NR2C2: variants seen among roughly 807,000 people sequenced by gnomAD.
NR2C2 encodes the protein Nuclear hormone receptor TR4.
Under a neutral mutation model 62.9 loss-of-function variants are expected in NR2C2, and 6 were observed. The observed-to-expected ratio is 0.10, with a 90% CI of 0.05 to 0.19. The LOEUF (loss-of-function observed/expected upper bound fraction) is 0.19. NR2C2 is among the 10% of genes least tolerant of loss of function. The pLI, the probability that NR2C2 is intolerant of heterozygous loss-of-function variation, is 1.00. For missense variants in NR2C2, 479 were observed against 762.7 expected, an observed-to-expected ratio of 0.63 and a Z score of 4.38; for synonymous variants, 272 against 273.8, an observed-to-expected ratio of 0.99 and a Z score of 0.07.
At chr3:15,032,850 A>C (rs1269807143) in intron 10 of NR2C2, among the ~76,000 whole-genome samples, 1 of 152,242 alleles carries the variant, frequency 6.6e-6, no homozygotes, top group East Asian at 1.9e-4. Flanking sequence ...CTAGGCCTTA[A>C]TAAGGTGAAT....
intron 1 of NR2C2, among the ~76,000 whole-genome samples, chr3:14,952,669 T>C (rs2039400943): frequency 6.6e-6 from 1 of 152,238 alleles, no homozygotes; most frequent in African/African-American, 2.4e-5. Context: ...TTTGTGCTCC[T>C]GTTACACATT....
At chr3:14,991,510 G>A (rs904697667) in intron 1 of NR2C2, among the ~76,000 whole-genome samples, 16 of 152,000 alleles carry the variant, frequency 1.1e-4, no homozygotes, top group African/African-American at 2.4e-5. Flanking sequence ...CCTACTTAAG[G>A]GTTTTACATT....
intron 8 of NR2C2, 114 bp from the exon 9 acceptor site, chr3:15,030,161 C>T (rs973313645): frequency 2.9e-5 from 26 of 903,866 alleles, no homozygotes; most frequent in African/African-American, 3.4e-5. Flanking sequence ...CCCATCTCTA[C>T]GGTAGAATTT....
intron 5 of NR2C2, among the ~76,000 whole-genome samples, chr3:15,022,448 G>A (rs1327459222): frequency 1.5e-5 from 2 of 132,432 alleles, no homozygotes; most frequent in African/African-American, 5.7e-5. Flanking sequence ...TGTTGCCCAG[G>A]TTGGAGTGCA....
At position 15,038,148 on chromosome 3, in the gene NR2C2, C is replaced by T. The variant is rs780896387; in HGVS notation, c.1510+11C>T. ...TTCTCTTTAGCCCCGGTAAGATATG[C>T]GGTGGGGATGCATGACCCCTTTCCA... On this transcript the variant is annotated intron_variant, in intron 12 of 13. Transcript: ENST00000425241. The T allele has an allele frequency of 5.6e-6, 9 of 1,601,736 alleles. No individual in the cohort carries two copies. Among genetic ancestry groups the T allele is most frequent in the East Asian group, 2.2e-5 (1 of 44,472 alleles).
intron 1 of NR2C2, among the ~76,000 whole-genome samples, chr3:14,963,617 C>T (rs991960950): frequency 3.9e-5 from 6 of 152,114 alleles, no homozygotes; most frequent in African/African-American, 9.6e-5. Flanking sequence ...TACAGGCACC[C>T]GCCACACCAC....
rs71038447 is a variant in NR2C2, at chr3:14,994,977, CTT to C, written c.-39-8879_-39-8878del. 4.0e-3 allele frequency among the ~76,000 whole-genome samples: 412 copies of C among 104,134 alleles called. 1 individual carries two copies. The highest frequency in any genetic ancestry group is 5.9e-3 in the Non-Finnish European group (313 of 52,974). 68.3% of individuals were successfully genotyped at this position (104,134 alleles called of 152,430 possible). A position where few individuals can be genotyped will look rare whatever the true frequency, so the allele number is the denominator to read the frequency against. On this transcript the variant is annotated intron_variant, in intron 1 of 13. Transcript: ENST00000425241. ...TATAATTCATATACCATACAATTCA[CTT>C]TTTTTTTTTTTTTTTTTTTGAGATA... is the stretch of plus-strand genomic sequence containing the variant.
chr3:14,966,604 A>G (rs2039866109), intron 1 of NR2C2, among the ~76,000 whole-genome samples: 1 of 152,238 alleles, frequency 6.6e-6, no homozygotes, highest in Non-Finnish European at 1.5e-5. Context: ...AAGTCTTTTT[A>G]GAAATGAGCT....
At chr3:14,975,498 T>C (rs2040178024) in intron 1 of NR2C2, among the ~76,000 whole-genome samples, 1 of 152,248 alleles carries the variant, frequency 6.6e-6, no homozygotes, top group Admixed American at 6.5e-5. Flanking sequence ...TTCATTCTTT[T>C]AATGAGAGGT....
intron 1 of NR2C2, among the ~76,000 whole-genome samples, chr3:14,970,534 C>G (rs560065232): frequency 6.6e-6 from 1 of 152,264 alleles, no homozygotes; most frequent in South Asian, 2.1e-4. Flanking sequence ...TTCCATGTCT[C>G]TGAATTTGAC....
At chr3:15,001,229 G>C (rs1272141255) in intron 1 of NR2C2, among the ~76,000 whole-genome samples, 2 of 151,076 alleles carry the variant, frequency 1.3e-5, no homozygotes, top group African/African-American at 4.9e-5. Context: ...TTTGATGCAT[G>C]GTCAGTGGGA....
intron 1 of NR2C2, among the ~76,000 whole-genome samples, chr3:14,961,080 A>G (rs1222598342): frequency 6.6e-6 from 1 of 152,202 alleles, no homozygotes; most frequent in South Asian, 2.1e-4. Context: ...TGGTGGTCTC[A>G]TGTCATTGTA....
intron 5 of NR2C2, among the ~76,000 whole-genome samples, chr3:15,022,398 C>CT (rs71038450): frequency 0.22 from 19,368 of 89,238 alleles, 2,112 homozygotes; most frequent in Non-Finnish European, 0.29. Flanking sequence ...CTTTTTCTTT[C>CT]TTTTTTTTTT....
chr3:15,044,877 T>C lies in NR2C2; in HGVS notation c.*1869T>C, dbSNP rs980602120. On this transcript the variant is annotated 3_prime_UTR_variant, in exon 14 of 14. Transcript: ENST00000425241. ...TTTACGCAAGTCAGTGTTAGTAGGG[T>C]AAGTGGGAACAGTGTTTCCAACTTC... 1.3e-5 allele frequency: 2 copies of C among 152,258 alleles called. No individual in the cohort carries two copies. Among genetic ancestry groups the C allele is most frequent in the African/African-American group, 4.8e-5 (2 of 41,466 alleles). 9.4% of individuals were successfully genotyped at this position (152,258 alleles called of 1,614,324 possible).
chr3:15,030,327 C>T lies in NR2C2; in HGVS notation c.985C>T (p.Pro329Ser), dbSNP rs1237869987. Residue 329 changes from proline (P) to serine (S), a missense_variant, in exon 9 of 14, where the codon CCA (proline) becomes TCA (serine). Pro to Ser is a moderately conservative substitution (Grantham distance 74, BLOSUM62 -1). This residue lies in a region of NR2C2 where 151 missense variants were observed against 176.1 expected (regional missense o/e 0.86). Coordinates refer to ENST00000425241, the MANE Select transcript of NR2C2 (RefSeq NM_001291694.2). ...TAATACCACAGACAGCTCCTCTTCT[C>T]CAAGCTTGGCAGATGGGATAGACAC... Reference protein sequence around the residue: ...ALNTTDSSSSPSLADGIDTSG... With the variant: ...ALNTTDSSSSSSLADGIDTSG... The T allele has an allele frequency of 1.2e-6, 2 of 1,613,126 alleles. No individual in the cohort carries two copies. Among genetic ancestry groups the T allele is most frequent in the South Asian group, 1.1e-5 (1 of 90,874 alleles).
chr3:14,983,390 T>C (rs1366119098), intron 1 of NR2C2, among the ~76,000 whole-genome samples: 1 of 151,976 alleles, frequency 6.6e-6, no homozygotes, highest in Non-Finnish European at 1.5e-5. Flanking sequence ...AGCTTGACTT[T>C]GTAATATTAA....
At chr3:14,972,505 A>G (rs1172847561) in intron 1 of NR2C2, among the ~76,000 whole-genome samples, 1 of 152,130 alleles carries the variant, frequency 6.6e-6, no homozygotes, top group Non-Finnish European at 1.5e-5. Context: ...TTGGCCATTC[A>G]TATATTTTTG....
At chr3:14,989,515 C>A (rs1000968713) in intron 1 of NR2C2, among the ~76,000 whole-genome samples, 3 of 152,020 alleles carry the variant, frequency 2.0e-5, no homozygotes, top group Non-Finnish European at 2.9e-5. Context: ...AATATTAGGG[C>A]CAGGCATGGT....
intron 9 of NR2C2, 147 bp downstream of exon 9, chr3:15,030,599 A>T (rs1211845024): frequency 1.4e-6 from 1 of 720,182 alleles, no homozygotes. Context: ...AGGCCAAGGC[A>T]CGTGGATCAC....
Sources: gnomAD v4.1 joint callset for allele counts (sites outside exome capture counted in the v4.1 genomes callset) on GRCh38, gnomAD v4.1.1 for gene constraint, gnomAD v4.1.1 regional missense constraint, MANE v1.5 for transcripts, NCBI Gene and HGNC (gene_info 2026-07-23, HGNC 2026-07-21) for gene names.